TCF12: variants seen among roughly 807,000 people sequenced by gnomAD.
The protein encoded by TCF12 is transcription factor 12.
TCF12 carries 45 observed loss-of-function variants against 86.0 expected under a neutral mutation model. The observed-to-expected ratio is 0.52, with a 90% CI of 0.41 to 0.67. TCF12 has a LOEUF of 0.67. Among genes scored for constraint, TCF12 ranks in the 30% least tolerant of loss-of-function variants. The pLI is 0.00. For missense variants in TCF12, 881 were observed against 859.9 expected (o/e 1.02, Z -0.31); for synonymous variants, 330 against 299.6 (o/e 1.10, Z -1.05).
intron 19 of TCF12, among the ~76,000 whole-genome samples, chr15:57,281,379 A>T (rs2061678856): frequency 6.6e-6 from 1 of 152,178 alleles, no homozygotes; most frequent in African/African-American, 2.4e-5. Context: ...ATACATATCA[A>T]AGTAGAAAAG....
At chr15:57,047,911 A>C (rs1314398422) in intron 3 of TCF12, among the ~76,000 whole-genome samples, 1 of 152,226 alleles carries the variant, frequency 6.6e-6, no homozygotes, top group Admixed American at 6.5e-5. Context: ...TTTTGTTCTT[A>C]GACTACAAAC....
At chr15:57,133,504 T>A (rs2052295973) in intron 5 of TCF12, among the ~76,000 whole-genome samples, 1 of 152,174 alleles carries the variant, frequency 6.6e-6, no homozygotes, top group Non-Finnish European at 1.5e-5. Context: ...TGGCCATGTG[T>A]TTGTGCCCGA....
chr15:57,290,938 T>C (rs1245415862), downstream of TCF12: 3 of 152,176 alleles, frequency 2.0e-5, no homozygotes, highest in Non-Finnish European at 4.4e-5. Context: ...ACTGAGACAA[T>C]AGCTGATCTC....
intron 12 of TCF12, among the ~76,000 whole-genome samples, chr15:57,239,917 G>GT (rs1341063849): frequency 1.3e-5 from 2 of 152,182 alleles, no homozygotes; most frequent in Admixed American, 6.5e-5. Flanking sequence ...AGCAACCAGT[G>GT]TGACAAGAGA....
chr15:57,273,726 G>C (rs192433702), intron 19 of TCF12, among the ~76,000 whole-genome samples: 1 of 152,100 alleles, frequency 6.6e-6, no homozygotes. Flanking sequence ...GCCTTTGCCA[G>C]ATACCTTTAC....
At chr15:57,269,473 T>C (rs2061028805) in intron 18 of TCF12, among the ~76,000 whole-genome samples, 1 of 146,574 alleles carries the variant, frequency 6.8e-6, no homozygotes, top group Admixed American at 7.1e-5. Context: ...GTGGGTCTCC[T>C]GAATACAGCA....
intron 3 of TCF12, among the ~76,000 whole-genome samples, chr15:56,980,492 G>T: frequency 6.6e-6 from 1 of 152,174 alleles, no homozygotes; most frequent in South Asian, 2.1e-4. Context: ...CGCCCTTACT[G>T]TAGACTTTTC....
At position 56,990,110 on chromosome 15, in the gene TCF12, G is replaced by A. The variant is rs542075416; in HGVS notation, c.148+69012G>A. Among the ~76,000 whole-genome samples the A allele has an allele frequency of 6.7e-5, 10 of 148,586 alleles. No individual in the cohort carries two copies. In the East Asian group the frequency reaches 1.8e-3, roughly 26 times the overall value. On this transcript the variant is annotated intron_variant, in intron 3 of 20. Coordinates refer to ENST00000333725, the MANE Select transcript of TCF12 (RefSeq NM_207037.2). ...AGCAGGCAAAAACTTCGGTAGTTTCGGTATTACAGTGACACCATTTATTTT... is the reference window on the plus strand; with the variant it reads ...AGCAGGCAAAAACTTCGGTAGTTTCAGTATTACAGTGACACCATTTATTTT...
In TCF12 at chr15:57,064,812, A is replaced by AAAAAAG. The variant is rs554263213; in HGVS notation, c.222+990_222+991insAAAAGA. ...CTCCATCTCAAAAAAAAAAAAAAAA[A>AAAAAAG]AGAGAGAGAGAGAAAGACTTTTCCA... On this transcript the variant is annotated intron_variant, in intron 4 of 20. Coordinates refer to ENST00000333725, the MANE Select transcript of TCF12 (RefSeq NM_207037.2). 2.7e-3 allele frequency among the ~76,000 whole-genome samples: 331 copies of AAAAAAG among 123,330 alleles called. 4 individuals are homozygous for AAAAAAG. Among genetic ancestry groups the AAAAAAG allele is most frequent in the South Asian group, 7.9e-3 (31 of 3,940 alleles). 80.9% of individuals were successfully genotyped at this position (123,330 alleles called of 152,430 possible). A position where few individuals can be genotyped will look rare whatever the true frequency, so the allele number is the denominator to read the frequency against.
intron 16 of TCF12, among the ~76,000 whole-genome samples, chr15:57,254,131 A>G (rs1055313010): frequency 4.0e-4 from 61 of 152,302 alleles, no homozygotes; most frequent in African/African-American, 1.4e-3. Context: ...TGAACCTGCT[A>G]TTTTAAACTT....
chr15:57,138,332 C>G (rs976550208), intron 5 of TCF12, among the ~76,000 whole-genome samples: 1 of 152,166 alleles, frequency 6.6e-6, no homozygotes, highest in African/African-American at 2.4e-5. Context: ...GTGTTTAAAT[C>G]GGATCTTGGA....
intron 5 of TCF12, among the ~76,000 whole-genome samples, chr15:57,093,287 C>A (rs2049111187): frequency 6.6e-6 from 1 of 152,090 alleles, no homozygotes; most frequent in Admixed American, 6.5e-5. Flanking sequence ...CGATATAACA[C>A]TCCAAATTAT....
At chr15:57,036,234 G>C (rs1567295726) in intron 3 of TCF12, among the ~76,000 whole-genome samples, 1 of 151,950 alleles carries the variant, frequency 6.6e-6, no homozygotes, top group East Asian at 1.9e-4. Flanking sequence ...GGTAATGAAG[G>C]CATCTTGATA....
intron 5 of TCF12, among the ~76,000 whole-genome samples, chr15:57,113,778 TAAAA>T (rs34582402): frequency 1.0e-5 from 1 of 95,794 alleles, no homozygotes; most frequent in Admixed American, 1.0e-4. Flanking sequence ...CGTCTCTACT[TAAAA>T]AAAAAAAAAA....
At chr15:56,995,661 T>C (rs2063677808) in intron 3 of TCF12, among the ~76,000 whole-genome samples, 1 of 152,160 alleles carries the variant, frequency 6.6e-6, no homozygotes, top group African/African-American at 2.4e-5. Flanking sequence ...GAAACTTTAT[T>C]GTAGTTGCCT....
chr15:57,231,365 A>G, intron 9 of TCF12, 108 bp downstream of exon 9: 2 of 743,372 alleles, frequency 2.7e-6, no homozygotes, highest in Non-Finnish European at 4.4e-6. Flanking sequence ...TTATTTAGGC[A>G]TTTTTTTTGG....
intron 3 of TCF12, among the ~76,000 whole-genome samples, chr15:57,003,999 T>G (rs747170760): frequency 6.6e-6 from 1 of 152,212 alleles, no homozygotes; most frequent in Non-Finnish European, 1.5e-5. Flanking sequence ...GCCTTCATTT[T>G]GAGGGATAGA....
At chr15:57,034,582 T>C (rs539805003) in intron 3 of TCF12, among the ~76,000 whole-genome samples, 1 of 152,344 alleles carries the variant, frequency 6.6e-6, no homozygotes, top group East Asian at 1.9e-4. Flanking sequence ...TTTTTAATGA[T>C]ACACACATAT....
chr15:57,233,833 G>A (rs1372491987), intron 11 of TCF12, among the ~76,000 whole-genome samples: 1 of 152,164 alleles, frequency 6.6e-6, no homozygotes, highest in African/African-American at 2.4e-5. Context: ...AAGACAGGAA[G>A]ACAAGAAGCT....
Sources: gnomAD v4.1 joint callset for allele counts (sites outside exome capture counted in the v4.1 genomes callset) on GRCh38, gnomAD v4.1.1 for gene constraint, MANE v1.5 for transcripts, NCBI Gene and HGNC (gene_info 2026-07-23, HGNC 2026-07-21) for gene names.